The following DMD variants were observed in gnomAD, a reference collection of about 807,000 sequenced individuals.
DMD encodes dystrophin, also known as mutant dystrophin.
Under a neutral mutation model 330.1 loss-of-function variants are expected in DMD, and 63 were observed. The observed-to-expected ratio is 0.19, with a 90% CI of 0.16 to 0.24. The LOEUF (loss-of-function observed/expected upper bound fraction) is 0.24. DMD is among the 10% of genes least tolerant of loss of function. The probability of loss-of-function intolerance (pLI) is 1.00; values close to 1 mark genes in which losing one functional copy is unlikely to be tolerated. For synonymous variants in DMD, 1,223 were observed against 959.8 expected, an observed-to-expected ratio of 1.27 and a Z score of -5.07; for missense variants, 3,344 against 2,684.1, an observed-to-expected ratio of 1.25 and a Z score of -5.43.
At chrX:31,217,267 C>T (rs753919461) in intron 64 of DMD, among the ~76,000 whole-genome samples, 2 of 111,497 alleles carry the variant, frequency 1.8e-5, no homozygotes, top group Non-Finnish European at 3.8e-5. Flanking sequence ...TTTTCATTTC[C>T]AATGTGTTGA....
intron 55 of DMD, among the ~76,000 whole-genome samples, chrX:31,580,576 T>G (rs1207302708): frequency 8.9e-6 from 1 of 112,043 alleles, no homozygotes; most frequent in Admixed American, 9.4e-5. Flanking sequence ...TTGAGGCGGT[T>G]TGGTAATGGA....
chrX:31,716,872 T>TATAC (rs1395828020), intron 52 of DMD, among the ~76,000 whole-genome samples: 1 of 106,182 alleles, frequency 9.4e-6, no homozygotes, highest in African/African-American at 3.4e-5. Flanking sequence ...TATATATATA[T>TATAC]ACACATATAT....
intron 59 of DMD, among the ~76,000 whole-genome samples, chrX:31,444,892 C>T (rs181990572): frequency 9.0e-6 from 1 of 111,120 alleles, no homozygotes; most frequent in Non-Finnish European, 1.9e-5. Flanking sequence ...ATAAAAGAGA[C>T]CTCAGAGAGC....
At chrX:33,271,787 A>T (rs2053160976) in intron 1 of DMD, among the ~76,000 whole-genome samples, 1 of 109,810 alleles carries the variant, frequency 9.1e-6, no homozygotes, top group East Asian at 2.9e-4. Context: ...CAAAAAAAAA[A>T]AAACCAAAAA....
intron 55 of DMD, among the ~76,000 whole-genome samples, chrX:31,522,357 C>CTATATA (rs1205735701): frequency 1.9e-4 from 11 of 57,651 alleles, no homozygotes; most frequent in South Asian, 8.9e-4. Flanking sequence ...CTCTCTCTCT[C>CTATATA]TCTCTCTATA....
At chrX:32,457,681 T>C (rs1192766189) in intron 25 of DMD, among the ~76,000 whole-genome samples, 1 of 90,584 alleles carries the variant, frequency 1.1e-5, no homozygotes, top group African/African-American at 4.1e-5. Flanking sequence ...TGATTGCTTA[T>C]ATTTTCTCGG....
chrX:31,985,130 C>T (rs780360798), intron 44 of DMD, among the ~76,000 whole-genome samples: 3 of 111,960 alleles, frequency 2.7e-5, no homozygotes, highest in Admixed American at 1.9e-4. Flanking sequence ...AAAGAGAATT[C>T]ATAAACATAG....
chrX:31,939,151 T>A (rs978601079), intron 45 of DMD, among the ~76,000 whole-genome samples: 1 of 111,901 alleles, frequency 8.9e-6, no homozygotes, highest in Non-Finnish European at 1.9e-5. Flanking sequence ...AAACAAAACA[T>A]TGATTTCTAC....
chrX:32,394,925 A>AAAAACAAAAAAAAAAAAAAAAAAAAAAAT (rs1343477696), intron 30 of DMD, among the ~76,000 whole-genome samples: 1 of 95,646 alleles, frequency 1.0e-5, no homozygotes, highest in Non-Finnish European at 2.2e-5. Context: ...ACAAAAAAAA[A>AAAAACAAAAAAAAAAAAAAAAAAAAAAAT]AAAAAAAAGA....
In DMD at chrX:31,697,981, T is replaced by C. The variant is rs775092244; in HGVS notation, c.7661-18395A>G. On this transcript the variant is annotated intron_variant, in intron 52 of 78. Transcript: ENST00000357033. ...CAACTGCAGAACCACAGAATTATTG[T>C]GAAGATAAAATTCAATAATGAATAA... Among the ~76,000 whole-genome samples, 190 of 112,119 alleles carry C rather than the reference T, an allele frequency of 1.7e-3. 1 individual carries two copies. Among genetic ancestry groups the C allele is most frequent in the African/African-American group, 5.7e-3 (176 of 30,892 alleles).
intron 49 of DMD, among the ~76,000 whole-genome samples, chrX:31,826,929 A>G (rs190898109): frequency 7.9e-4 from 89 of 112,051 alleles, no homozygotes; most frequent in Admixed American, 2.8e-3. Flanking sequence ...TTGTTTGTAA[A>G]TGGAAAAATC....
At chrX:31,622,229 G>C (rs2148382469) in intron 55 of DMD, among the ~76,000 whole-genome samples, 1 of 110,985 alleles carries the variant, frequency 9.0e-6, no homozygotes. Flanking sequence ...CTCAAAGGCA[G>C]AAATAATGTT....
intron 78 of DMD, among the ~76,000 whole-genome samples, chrX:31,124,618 ATAG>A (rs1220745407): frequency 8.9e-6 from 1 of 112,154 alleles, no homozygotes; most frequent in African/African-American, 3.2e-5. Context: ...AACTATGTCT[ATAG>A]AAAGTATTGA....
intron 2 of DMD, among the ~76,000 whole-genome samples, chrX:33,016,345 C>T (rs1368439921): frequency 8.9e-6 from 1 of 111,827 alleles, no homozygotes; most frequent in Admixed American, 9.5e-5. Flanking sequence ...TAGATGGATA[C>T]ACACTTACAT....
chrX:31,353,444 T>C (rs1443049141), intron 60 of DMD, among the ~76,000 whole-genome samples: 1 of 111,586 alleles, frequency 9.0e-6, no homozygotes, highest in African/African-American at 3.3e-5. Context: ...TAGACTTGGG[T>C]TGATATGCAT....
At chrX:33,063,916 C>T (rs1472007324) in intron 1 of DMD, among the ~76,000 whole-genome samples, 1 of 111,857 alleles carries the variant, frequency 8.9e-6, no homozygotes, top group African/African-American at 3.2e-5. Context: ...TTCCCTGTAC[C>T]TTCCTAAGTC....
intron 44 of DMD, among the ~76,000 whole-genome samples, chrX:31,979,699 G>C (rs943818675): frequency 5.3e-5 from 6 of 112,180 alleles, no homozygotes; most frequent in Non-Finnish European, 1.1e-4. Flanking sequence ...ATTAGTGGTG[G>C]GGTTGCCAAG....
At position 32,394,920 on chromosome X, in the gene DMD, A is replaced by ACAAAAAAAAAAAAAC. The variant is rs375583538; in HGVS notation, c.4234-4740_4234-4739insGTTTTTTTTTTTTTG. On this transcript the variant is annotated intron_variant, in intron 30 of 78. Transcript: ENST00000357033. ...GAAGAGCAAAAAACAAAAAAACAAA[A>ACAAAAAAAAAAAAAC]AAAAAAAAAAAAAGAAAAGAAATCA... 3.0e-3 allele frequency among the ~76,000 whole-genome samples: 181 copies of ACAAAAAAAAAAAAAC among 60,351 alleles called. 4 individuals carry two copies. Among genetic ancestry groups the ACAAAAAAAAAAAAAC allele is most frequent in the East Asian group, 5.2e-3 (7 of 1,336 alleles). The allele number at this position is 60,351 out of a possible 115,157, so 52.4% of individuals were successfully genotyped here.
At chrX:31,302,546 GA>G in intron 62 of DMD, among the ~76,000 whole-genome samples, 1 of 110,096 alleles carries the variant, frequency 9.1e-6, no homozygotes, top group African/African-American at 3.3e-5. Context: ...TAACAGAAAA[GA>G]AAAATACCTT....
Sources: gnomAD v4.1 joint callset for allele counts (sites outside exome capture counted in the v4.1 genomes callset) on GRCh38, gnomAD v4.1.1 for gene constraint, MANE v1.5 for transcripts, NCBI Gene and HGNC (gene_info 2026-07-23, HGNC 2026-07-21) for gene names.